The following GRIK5 variants were observed in gnomAD, a reference collection of about 807,000 sequenced individuals.
The protein encoded by GRIK5 is glutamate ionotropic receptor kainate type subunit 5.
GRIK5 carries 43 observed loss-of-function variants against 97.4 expected under a neutral mutation model. The ratio of observed to expected loss-of-function variants is 0.44; its 90% confidence interval spans 0.35 to 0.57. The LOEUF (loss-of-function observed/expected upper bound fraction) is 0.57, where lower values mean the gene tolerates loss of function less well. Among genes scored for constraint, GRIK5 ranks in the 20% least tolerant of loss-of-function variants. GRIK5 has a pLI of 0.01. For missense variants in GRIK5, 1,015 were observed against 1,382.0 expected (o/e 0.73, Z 4.21); for synonymous variants, 580 against 583.5 (o/e 0.99, Z 0.09).
intron 9 of GRIK5, 122 bp from the exon 10 acceptor site, chr19:42,054,051 G>T: frequency 1.4e-6 from 1 of 690,988 alleles, no homozygotes; most frequent in Non-Finnish European, 2.5e-6. Flanking sequence ...GAGGGGACAA[G>T]AGAGAGAAGA....
chr19:42,042,895 C>T lies in GRIK5; in HGVS notation c.1270-140G>A. On this transcript the variant is annotated intron_variant, in intron 11 of 19. Coordinates refer to ENST00000593562, the MANE Select transcript of GRIK5 (RefSeq NM_002088.5). This position sits in a 1 kb window ranked among gnomAD's most constrained non-coding sequence, Gnocchi z 6.9. ...ATTTATTCATAGTACACATTTCTCACTTACAAATGCTCAGAGTGGGGAATA... is the reference window on the plus strand; with the variant it reads ...ATTTATTCATAGTACACATTTCTCATTTACAAATGCTCAGAGTGGGGAATA... 3.0e-6 allele frequency: 2 copies of T among 660,128 alleles called. No individual in the cohort carries two copies. The highest frequency in any genetic ancestry group is 2.6e-6 in the Non-Finnish European group (1 of 385,590). 40.9% of individuals were successfully genotyped at this position (660,128 alleles called of 1,614,324 possible).
intron 12 of GRIK5, among the ~76,000 whole-genome samples, chr19:42,023,844 ACCT>A (rs1326211944): frequency 6.6e-6 from 1 of 151,878 alleles, no homozygotes; most frequent in Non-Finnish European, 1.5e-5. Flanking sequence ...GCCACTCATA[ACCT>A]CCCAGTCCAT....
In GRIK5 at chr19:42,069,653, G is replaced by A. The variant is rs1045106230; in HGVS notation, c.-463C>T. 1.3e-5 allele frequency among the ~76,000 whole-genome samples: 2 copies of A among 151,196 alleles called. No individual in the cohort carries two copies. Among genetic ancestry groups the A allele is most frequent in the East Asian group, 2.0e-4 (1 of 5,080 alleles). ...CCCCCTCCCCTAGCCGGGCCGGCCT[G>A]GGGGGGCCACAGGGGGCGAGGACTG... On this transcript the variant is annotated 5_prime_UTR_variant, in exon 1 of 20. Transcript: ENST00000593562.
chr19:42,053,170 T>C (rs1214053070), intron 11 of GRIK5, among the ~76,000 whole-genome samples: 1 of 152,144 alleles, frequency 6.6e-6, no homozygotes, highest in Non-Finnish European at 1.5e-5. Context: ...TCTGAAGGAT[T>C]AGAGACATAG....
intron 11 of GRIK5, among the ~76,000 whole-genome samples, chr19:42,050,178 C>T (rs2076094719): frequency 1.3e-5 from 2 of 152,102 alleles, no homozygotes; most frequent in South Asian, 4.1e-4. Flanking sequence ...GATCCTCCCG[C>T]CTCAGTCTCC....
rs2075454985 is a variant in GRIK5, at chr19:42,003,849, C to A, written c.2264-166G>T. The A allele has an allele frequency of 7.6e-6, 5 of 654,364 alleles. No homozygotes were observed. The South Asian group carries it at 1.1e-4, about 14-fold the overall frequency. The allele number at this position is 654,364 out of a possible 1,614,324, so 40.5% of individuals were successfully genotyped here. A position where few individuals can be genotyped will look rare whatever the true frequency, so the allele number is the denominator to read the frequency against. On this transcript the variant is annotated intron_variant, in intron 17 of 19. Coordinates refer to ENST00000593562, the MANE Select transcript of GRIK5 (RefSeq NM_002088.5). This position sits in a 1 kb window ranked among gnomAD's most constrained non-coding sequence, Gnocchi z 4.2. ...CCAGCCCAGTCTCCTCTCAACACAGCAGCCAGAGAGACAGTGTTAGGAAGA... is the reference window on the plus strand; with the variant it reads ...CCAGCCCAGTCTCCTCTCAACACAGAAGCCAGAGAGACAGTGTTAGGAAGA...
At chr19:42,043,837 G>A (rs918937266) in intron 11 of GRIK5, among the ~76,000 whole-genome samples, 8 of 152,112 alleles carry the variant, frequency 5.3e-5, no homozygotes, top group Non-Finnish European at 1.0e-4. Context: ...GCTTGAGCCC[G>A]AGTTTGAGGC....
rs796384681 is a variant in GRIK5 at position 42,062,115 on chromosome 19, C to T, written c.508+373G>A. On this transcript the variant is annotated intron_variant, in intron 5 of 19. Transcript: ENST00000593562. The surrounding 1 kb of genome is among the most constrained non-coding windows in gnomAD (Gnocchi z 5.3). ...CTGAACCTCCCAGATGGATTAGGAT[C>T]CCTCCTATGTGATACCAGAGGCTCC... Among the ~76,000 whole-genome samples, 5 of 152,282 alleles carry T rather than the reference C, an allele frequency of 3.3e-5. No individual in the cohort carries two copies. In the East Asian group the frequency reaches 9.7e-4, roughly 29 times the overall value.
chr19:42,003,585 A>G lies in GRIK5; in HGVS notation c.2362T>C (p.Cys788Arg). The G allele has an allele frequency of 6.2e-7, 1 of 1,612,718 alleles. No homozygotes were observed. Among genetic ancestry groups the G allele is most frequent in the Non-Finnish European group, 8.5e-7 (1 of 1,179,274 alleles). ...LKRKWWEGGR[C>R]PKEEDHRAKG... ...GCTCGATGGTCCTCCTCCTTGGGGC[A>G]CCGGCCCCCCTCCCACCACTTGCGC... The change falls in exon 18 of 20, where the codon TGC becomes CGC. Residue 788 changes from cysteine to arginine, a missense_variant. Transcript: ENST00000593562. This position sits in a 1 kb window ranked among gnomAD's most constrained non-coding sequence, Gnocchi z 4.2.
At chr19:42,063,617 TGAGATGTA>T in intron 3 of GRIK5, 1 of 302,990 alleles carries the variant, frequency 3.3e-6, no homozygotes, top group Admixed American at 4.4e-5. Context: ...GCTAAACTGG[TGAGATGTA>T]AGCTTGGTGC....
intron 11 of GRIK5, among the ~76,000 whole-genome samples, chr19:42,043,057 G>C (rs992021226): frequency 6.6e-6 from 1 of 152,156 alleles, no homozygotes; most frequent in South Asian, 2.1e-4. Flanking sequence ...GGTAACTTTA[G>C]AGTCAGACTG....
At chr19:42,024,278 T>C (rs1394946547) in intron 12 of GRIK5, among the ~76,000 whole-genome samples, 1 of 149,410 alleles carries the variant, frequency 6.7e-6, no homozygotes, top group Non-Finnish European at 1.5e-5. Flanking sequence ...ACTGGTGCAA[T>C]CTCAGGTCAC....
intron 8 of GRIK5, 129 bp from the exon 9 acceptor site, chr19:42,054,601 T>C: frequency 9.3e-7 from 1 of 1,073,092 alleles, no homozygotes; most frequent in South Asian, 1.5e-5. Flanking sequence ...GGAAACTGGG[T>C]GGGTCAGGAG....
chr19:42,060,102 C>T (rs963164372), intron 5 of GRIK5, among the ~76,000 whole-genome samples: 3 of 152,076 alleles, frequency 2.0e-5, no homozygotes, highest in Admixed American at 6.5e-5. Flanking sequence ...CAAATGCCTT[C>T]CCAGCTCAGT....
At position 42,022,393 on chromosome 19, in the gene GRIK5, G is replaced by C; in HGVS notation, c.1474-39C>G. 6.4e-7 allele frequency: 1 copy of C among 1,572,228 alleles called. No individual in the cohort carries two copies. Among genetic ancestry groups the C allele is most frequent in the Non-Finnish European group, 8.7e-7 (1 of 1,146,100 alleles). On this transcript the variant is annotated intron_variant, in intron 12 of 19. Transcript: ENST00000593562. The surrounding 1 kb of genome is among the most constrained non-coding windows in gnomAD (Gnocchi z 4.2). Reference sequence around the variant, plus strand: ...AGCCGGGCAGGGGTGGAGGGGGACAGAGGGGAAGACAGAAGTGGACAGTTA... The same window carrying C: ...AGCCGGGCAGGGGTGGAGGGGGACACAGGGGAAGACAGAAGTGGACAGTTA...
intron 11 of GRIK5, among the ~76,000 whole-genome samples, chr19:42,047,047 C>T (rs987755421): frequency 1.3e-5 from 2 of 151,818 alleles, no homozygotes; most frequent in African/African-American, 4.8e-5. Flanking sequence ...GCCACTAAGC[C>T]TGGCTAATTT....
In GRIK5 at chr19:42,002,069, G is replaced by A. The variant is rs782607663; in HGVS notation, c.2514+1263C>T. On this transcript the variant is annotated intron_variant, in intron 19 of 19. Coordinates refer to ENST00000593562, the MANE Select transcript of GRIK5 (RefSeq NM_002088.5). The surrounding 1 kb of genome is among the most constrained non-coding windows in gnomAD (Gnocchi z 5.2). ...AGGATTGAGAGTGACTGGCTGTGCCGAAGCCCACTGCTACCTCATATACAT... is the reference window on the plus strand; with the variant it reads ...AGGATTGAGAGTGACTGGCTGTGCCAAAGCCCACTGCTACCTCATATACAT... 6 of 685,498 alleles carry A rather than the reference G, an allele frequency of 8.8e-6. No individual in the cohort carries two copies. The East Asian group carries it at 1.1e-4, about 12-fold the overall frequency. The allele number at this position is 685,498 out of a possible 1,614,324, so 42.5% of individuals were successfully genotyped here. A position where few individuals can be genotyped will look rare whatever the true frequency, so the allele number is the denominator to read the frequency against.
intron 1 of GRIK5, among the ~76,000 whole-genome samples, chr19:42,066,131 G>A (rs1004630808): frequency 6.6e-6 from 1 of 152,142 alleles, no homozygotes; most frequent in Non-Finnish European, 1.5e-5. Flanking sequence ...TCAGGTAGGA[G>A]TGAATTCCTG....
At chr19:42,068,364 A>C in intron 1 of GRIK5, 1 of 172,258 alleles carries the variant, frequency 5.8e-6, no homozygotes, top group African/African-American at 2.4e-5. Context: ...ATGGAGAGGA[A>C]TGGGAGCAGA....
Sources: allele counts gnomAD v4.1 joint callset (sites outside exome capture counted in the v4.1 genomes callset), GRCh38; gene constraint gnomAD v4.1.1; non-coding constraint Gnocchi (gnomAD v3.1); transcripts MANE v1.5; gene names NCBI Gene and HGNC (gene_info 2026-07-23, HGNC 2026-07-21).